PARD3B: variants seen among roughly 807,000 people sequenced by gnomAD.
The protein encoded by PARD3B is partitioning defective 3 homolog B.
In PARD3B, 103 loss-of-function variants were observed where a neutral mutation model predicts 130.2. The observed-to-expected ratio is 0.79, with a 90% confidence interval of 0.67 to 0.93. PARD3B has a LOEUF of 0.93. Ranked by LOEUF, PARD3B falls within the 40% of genes least tolerant of loss-of-function variation. The pLI is 0.00. For missense variants in PARD3B, 1,609 were observed against 1,499.2 expected, an observed-to-expected ratio of 1.07 and a Z score of -1.21; for synonymous variants, 583 against 553.2, an observed-to-expected ratio of 1.05 and a Z score of -0.76.
rs1422594777 is a variant in PARD3B at position 205,258,445 on chromosome 2, A to G, written c.2185+12623A>G. On this transcript the variant is annotated intron_variant, in intron 16 of 22. Transcript: ENST00000406610. The surrounding 1 kb of genome is among the most constrained non-coding windows in gnomAD (Gnocchi z 4.9). ...ACCACCCTATCTAAAATAGTCACCC[A>G]ACAAGAAGCCAGTTTCTCTCACCTT... 2.6e-5 allele frequency among the ~76,000 whole-genome samples: 4 copies of G among 152,196 alleles called. No individual in the cohort carries two copies. Among genetic ancestry groups the G allele is most frequent in the South Asian group, 4.1e-4 (2 of 4,838 alleles).
In PARD3B at chr2:205,366,474, TAA is replaced by T. The variant is rs2044614455; in HGVS notation, c.2631-34536_2631-34535del. Among the ~76,000 whole-genome samples, 1 of 152,190 alleles carries T rather than the reference TAA, an allele frequency of 6.6e-6. No individual in the cohort carries two copies. ...ATGAAGTGTCTTTTTCTGACGAGTT[TAA>T]AAGATTCTGTAATTCACTGCATTTT... is the stretch of plus-strand genomic sequence containing the variant. On this transcript the variant is annotated intron_variant, in intron 18 of 22. Coordinates refer to ENST00000406610, the MANE Select transcript of PARD3B (RefSeq NM_001302769.2). The surrounding 1 kb of genome is among the most constrained non-coding windows in gnomAD (Gnocchi z 5.0).
At chr2:205,171,005 G>C (rs555082355) in intron 11 of PARD3B, among the ~76,000 whole-genome samples, 1 of 152,262 alleles carries the variant, frequency 6.6e-6, no homozygotes, top group Admixed American at 6.5e-5. Flanking sequence ...CCTGGAACAA[G>C]TTACATTTTG....
rs994316928 is a variant in PARD3B, at chr2:205,617,564, T to C, written c.*1751T>C. On this transcript the variant is annotated 3_prime_UTR_variant, in exon 23 of 23. Coordinates refer to ENST00000406610, the MANE Select transcript of PARD3B (RefSeq NM_001302769.2). Reference sequence around the variant, plus strand: ...TAGTGTTATTTACTGGACTTTGTGATATTATTTTCTTAACTACACTTTACT... The same window carrying C: ...TAGTGTTATTTACTGGACTTTGTGACATTATTTTCTTAACTACACTTTACT... 2.0e-5 allele frequency: 3 copies of C among 151,598 alleles called. No individual in the cohort carries two copies. The highest frequency in any genetic ancestry group is 4.4e-5 in the Non-Finnish European group (3 of 67,980). The allele number at this position is 151,598 out of a possible 1,614,324, so 9.4% of individuals were successfully genotyped here. A position where few individuals can be genotyped will look rare whatever the true frequency, so the allele number is the denominator to read the frequency against.
At chr2:205,224,389 G>A (rs13031805) in intron 15 of PARD3B, among the ~76,000 whole-genome samples, 591 of 53,130 alleles carry the variant, frequency 0.011, 1 homozygote, top group East Asian at 0.045. Flanking sequence ...AAAAAAAAAA[G>A]AAAGAAAGAA....
intron 2 of PARD3B, among the ~76,000 whole-genome samples, chr2:204,909,404 G>A (rs768430772): frequency 7.2e-5 from 11 of 152,082 alleles, no homozygotes; most frequent in Admixed American, 3.3e-4. Flanking sequence ...TAAATTATTG[G>A]TAATATATGC....
In PARD3B at chr2:205,568,431, G is replaced by T. The variant is rs544829437; in HGVS notation, c.3260+15028G>T. 4.6e-5 allele frequency among the ~76,000 whole-genome samples: 7 copies of T among 152,280 alleles called. No homozygotes were observed. Among genetic ancestry groups the T allele is most frequent in the Non-Finnish European group, 8.8e-5 (6 of 68,016 alleles). On this transcript the variant is annotated intron_variant, in intron 22 of 22. Transcript: ENST00000406610. The surrounding 1 kb of genome is among the most constrained non-coding windows in gnomAD (Gnocchi z 5.3). ...ACTCAAATATGCAATACATCAAAAT[G>T]ATGTAAGGTCTTTGACAAGTTCATT...
At chr2:204,589,346 G>T (rs934996246) in intron 1 of PARD3B, among the ~76,000 whole-genome samples, 12 of 152,068 alleles carry the variant, frequency 7.9e-5, no homozygotes, top group African/African-American at 2.9e-4. Flanking sequence ...GAGGCTGGTA[G>T]TAATAAGATG....
chr2:205,154,125 G>A (rs1366737357), intron 10 of PARD3B, among the ~76,000 whole-genome samples: 3 of 151,966 alleles, frequency 2.0e-5, no homozygotes, highest in Non-Finnish European at 2.9e-5. Flanking sequence ...CAGAATGGGA[G>A]AAAATTTTTG....
At chr2:205,009,442 C>T (rs538863316) in intron 3 of PARD3B, among the ~76,000 whole-genome samples, 3 of 151,890 alleles carry the variant, frequency 2.0e-5, no homozygotes, top group African/African-American at 7.3e-5. Flanking sequence ...GAGGCAGAGG[C>T]GGGTGGATCA....
intron 1 of PARD3B, among the ~76,000 whole-genome samples, chr2:204,596,560 T>A (rs377733276): frequency 1.3e-5 from 2 of 152,280 alleles, no homozygotes; most frequent in African/African-American, 4.8e-5. Flanking sequence ...GAAAAGTATA[T>A]GAAGTGTTGG....
chr2:205,012,165 T>C (rs948725588), intron 3 of PARD3B, among the ~76,000 whole-genome samples: 1 of 152,200 alleles, frequency 6.6e-6, no homozygotes, highest in East Asian at 1.9e-4. Flanking sequence ...CTGGTCCTTA[T>C]GTTTTCACTT....
chr2:204,579,052 G>A (rs2032412430), intron 1 of PARD3B, among the ~76,000 whole-genome samples: 1 of 151,976 alleles, frequency 6.6e-6, no homozygotes, highest in Non-Finnish European at 1.5e-5. Flanking sequence ...TGTCCCGGTT[G>A]AGAACCAGCT....
chr2:205,062,835 A>T (rs935264657), intron 4 of PARD3B, among the ~76,000 whole-genome samples: 2 of 152,168 alleles, frequency 1.3e-5, no homozygotes, highest in African/African-American at 4.8e-5. Context: ...ATTTATTTAT[A>T]TCTTATATCT....
intron 3 of PARD3B, among the ~76,000 whole-genome samples, chr2:204,997,196 T>C (rs1360908845): frequency 2.6e-5 from 4 of 152,216 alleles, no homozygotes; most frequent in Non-Finnish European, 5.9e-5. Context: ...TCCTGTGTTG[T>C]TCACAGCCAA....
At chr2:204,548,007 A>G (rs553659542) in intron 1 of PARD3B, among the ~76,000 whole-genome samples, 4 of 152,310 alleles carry the variant, frequency 2.6e-5, no homozygotes, top group Admixed American at 1.3e-4. Flanking sequence ...CCTGCAGCAT[A>G]TAAATCCTTC....
chr2:205,037,355 TGTATAAAATATATATAGTGGACTATTTG>T (rs1698049410), intron 3 of PARD3B, among the ~76,000 whole-genome samples: 1 of 145,812 alleles, frequency 6.9e-6, no homozygotes, highest in East Asian at 2.0e-4. Flanking sequence ...GTGGACTATT[TGTATAAAATATATATAGTGGACTATTTG>T]TATAAAATAT....
chr2:205,158,794 G>C lies in PARD3B; in HGVS notation c.1507G>C (p.Asp503His), dbSNP rs751288507. ...GCTCACCTTTGAGATCCCCCTGAAT[G>C]ATTCAGGTTCTGCTGGCCTCGGGGT... is the stretch of plus-strand genomic sequence containing the variant. ...EQLTFEIPLN[D>H]SGSAGLGVSL... Residue 503 changes from aspartate to histidine, a missense_variant, in exon 11 of 23, where the codon GAT becomes CAT. Coordinates refer to ENST00000406610, the MANE Select transcript of PARD3B (RefSeq NM_001302769.2). The surrounding 1 kb of genome is among the most constrained non-coding windows in gnomAD (Gnocchi z 5.4). The C allele has an allele frequency of 2.5e-6, 4 of 1,614,076 alleles. No homozygotes were observed. Among genetic ancestry groups the C allele is most frequent in the East Asian group, 2.2e-5 (1 of 44,890 alleles).
At chr2:204,878,805 A>G (rs2045937191) in intron 2 of PARD3B, among the ~76,000 whole-genome samples, 1 of 152,156 alleles carries the variant, frequency 6.6e-6, no homozygotes, top group Non-Finnish European at 1.5e-5. Context: ...AGAACTTTTT[A>G]TTGTTAGCTC....
At chr2:205,199,892 T>C (rs2125822816) in intron 15 of PARD3B, among the ~76,000 whole-genome samples, 1 of 151,966 alleles carries the variant, frequency 6.6e-6, no homozygotes, top group East Asian at 1.9e-4. Context: ...AAGCAAATGA[T>C]CAATTTTCAG....
Sources: allele counts gnomAD v4.1 joint callset (sites outside exome capture counted in the v4.1 genomes callset), GRCh38; gene constraint gnomAD v4.1.1; non-coding constraint Gnocchi (gnomAD v3.1); transcripts MANE v1.5; gene names NCBI Gene and HGNC (gene_info 2026-07-23, HGNC 2026-07-21).